Variants in ADAMTSL1 observed in about 807,000 individuals in gnomAD.
ADAMTSL1 encodes the protein ADAMTS-like protein 1.
Under a neutral mutation model 201.8 loss-of-function variants are expected in ADAMTSL1, and 126 were observed. That is an observed-to-expected ratio of 0.62 (90% CI 0.54 to 0.72). ADAMTSL1 has a LOEUF of 0.72. Ranked by LOEUF, ADAMTSL1 falls within the 30% of genes least tolerant of loss-of-function variation. ADAMTSL1 has a pLI of 0.00. For missense variants in ADAMTSL1, 2,679 were observed against 2,277.8 expected (o/e 1.18, Z -3.59); for synonymous variants, 1,121 against 903.4 (o/e 1.24, Z -4.32).
At chr9:18,536,412 A>G (rs903347574) in intron 3 of ADAMTSL1, among the ~76,000 whole-genome samples, 1 of 149,960 alleles carries the variant, frequency 6.7e-6, no homozygotes, top group African/African-American at 2.4e-5. Flanking sequence ...CCAGGGTAAT[A>G]TGAGGAGTAG....
chr9:18,290,281 A>ATTTTT (rs35411626), intron 2 of ADAMTSL1, among the ~76,000 whole-genome samples: 2 of 147,848 alleles, frequency 1.4e-5, no homozygotes, highest in East Asian at 2.0e-4. Context: ...AGGGGATTAG[A>ATTTTT]TTTTTTTTTT....
At chr9:18,831,577 C>A (rs1824978148) in intron 23 of ADAMTSL1, among the ~76,000 whole-genome samples, 1 of 152,112 alleles carries the variant, frequency 6.6e-6, no homozygotes, top group South Asian at 2.1e-4. Flanking sequence ...TAGCCATGGG[C>A]AATAAGAATT....
chr9:18,109,796 T>C (rs1207723058), intron 1 of ADAMTSL1, among the ~76,000 whole-genome samples: 1 of 152,182 alleles, frequency 6.6e-6, no homozygotes, highest in Non-Finnish European at 1.5e-5. Flanking sequence ...ATTGCACAGT[T>C]GCCTGCAGTC....
chr9:18,057,811 T>A (rs986314052), intron 1 of ADAMTSL1, among the ~76,000 whole-genome samples: 1 of 152,248 alleles, frequency 6.6e-6, no homozygotes, highest in African/African-American at 2.4e-5. Context: ...TAATTCTTAC[T>A]CATTCTTTAG....
intron 23 of ADAMTSL1, among the ~76,000 whole-genome samples, chr9:18,857,604 T>C (rs1407081700): frequency 6.6e-6 from 1 of 152,242 alleles, no homozygotes; most frequent in Non-Finnish European, 1.5e-5. Flanking sequence ...CTGATGCTAA[T>C]GCCAGTCTCT....
intron 4 of ADAMTSL1, among the ~76,000 whole-genome samples, chr9:18,601,899 T>C (rs55772288): frequency 0.022 from 3,304 of 152,246 alleles, 60 homozygotes; most frequent in Admixed American, 0.036. Flanking sequence ...AGAAGGTTCT[T>C]AGAACTTTTA....
intron 1 of ADAMTSL1, among the ~76,000 whole-genome samples, chr9:18,078,053 A>C (rs1823311495): frequency 6.6e-6 from 1 of 152,288 alleles, no homozygotes; most frequent in African/African-American, 2.4e-5. Context: ...AAGATGTAAA[A>C]GTCATATAGG....
intron 23 of ADAMTSL1, among the ~76,000 whole-genome samples, chr9:18,848,956 C>A (rs971105508): frequency 1.3e-5 from 2 of 152,218 alleles, no homozygotes; most frequent in African/African-American, 4.8e-5. Context: ...ATTTTGCCAA[C>A]TAATGAACCA....
chr9:18,227,021 C>T (rs1293378317), intron 2 of ADAMTSL1, among the ~76,000 whole-genome samples: 2 of 152,132 alleles, frequency 1.3e-5, no homozygotes, highest in African/African-American at 4.8e-5. Flanking sequence ...AGTTAGATTT[C>T]TCACTGTTCC....
chr9:18,766,810 C>A lies in ADAMTSL1; in HGVS notation c.2218-3792C>A, dbSNP rs1820392327. On this transcript the variant is annotated intron_variant, in intron 16 of 28. Coordinates refer to ENST00000380548, the MANE Select transcript of ADAMTSL1 (RefSeq NM_001040272.6). ...CCTAATCATCTCCCAAAAGTCCTCA[C>A]CCCTAATACTATCACCTTGGGAGTT... Among the ~76,000 whole-genome samples, 3 of 151,810 alleles carry A rather than the reference C, an allele frequency of 2.0e-5. No individual in the cohort carries two copies. In the South Asian group the frequency reaches 6.2e-4, roughly 32 times the overall value.
chr9:18,089,996 G>C lies in ADAMTSL1; in HGVS notation c.88-73866G>C, dbSNP rs148148635. ...ATTAAGTTTGGTAAAATACAGTTCA[G>C]AAGTTGTTACAGTGTTTTAGCATTT... On this transcript the variant is annotated intron_variant, in intron 1 of 29. Coordinates refer to the ADAMTSL1 transcript ENST00000680146. Among the ~76,000 whole-genome samples the C allele has an allele frequency of 6.9e-3, 1,047 of 152,288 alleles. 13 individuals are homozygous for C. Among genetic ancestry groups the C allele is most frequent in the African/African-American group, 0.024 (983 of 41,546 alleles).
chr9:17,915,883 G>T (rs1826072701), intron 1 of ADAMTSL1, among the ~76,000 whole-genome samples: 1 of 151,686 alleles, frequency 6.6e-6, no homozygotes, highest in Non-Finnish European at 1.5e-5. Context: ...TTATAGGATT[G>T]TTAGTTTTCT....
At chr9:18,624,350 T>C (rs1261000122) in intron 5 of ADAMTSL1, among the ~76,000 whole-genome samples, 2 of 152,190 alleles carry the variant, frequency 1.3e-5, no homozygotes, top group East Asian at 3.8e-4. Context: ...CAGAAATGGA[T>C]AGAGGCATAA....
chr9:18,354,801 C>A (rs946125917), intron 2 of ADAMTSL1, among the ~76,000 whole-genome samples: 4 of 152,144 alleles, frequency 2.6e-5, no homozygotes, highest in Non-Finnish European at 5.9e-5. Context: ...GAAACCCCAT[C>A]TCTACTGAAA....
chr9:18,256,459 T>C (rs1188026304), intron 2 of ADAMTSL1, among the ~76,000 whole-genome samples: 1 of 152,164 alleles, frequency 6.6e-6, no homozygotes, highest in Admixed American at 6.5e-5. Context: ...GGTTGGAGGA[T>C]ATAGATGCTT....
chr9:18,311,517 C>G (rs1041456389), intron 2 of ADAMTSL1, among the ~76,000 whole-genome samples: 1 of 152,066 alleles, frequency 6.6e-6, no homozygotes, highest in African/African-American at 2.4e-5. Flanking sequence ...CAACCTGGCT[C>G]CATCACATTT....
intron 2 of ADAMTSL1, among the ~76,000 whole-genome samples, chr9:18,397,002 A>G (rs1178302539): frequency 6.9e-6 from 1 of 145,682 alleles, no homozygotes; most frequent in Non-Finnish European, 1.5e-5. Flanking sequence ...GTATTTTCTA[A>G]CAGAATCCCT....
chr9:18,735,083 A>G (rs189194428), intron 15 of ADAMTSL1, among the ~76,000 whole-genome samples: 1 of 152,332 alleles, frequency 6.6e-6, no homozygotes, highest in East Asian at 1.9e-4. Flanking sequence ...CAATTTATCT[A>G]TAGCTTTCAT....
chr9:18,543,436 G>A (rs944022323), intron 3 of ADAMTSL1, among the ~76,000 whole-genome samples: 1 of 152,022 alleles, frequency 6.6e-6, no homozygotes, highest in African/African-American at 2.4e-5. Context: ...TTCTCTGAGG[G>A]CAGAGCCCCT....
Sources: allele counts gnomAD v4.1 joint callset (sites outside exome capture counted in the v4.1 genomes callset), GRCh38; gene constraint gnomAD v4.1.1; transcripts MANE v1.5; gene names NCBI Gene and HGNC (gene_info 2026-07-23, HGNC 2026-07-21).